Variants in FMN1 observed in about 807,000 individuals in gnomAD.
The protein encoded by FMN1 is formin-1.
A neutral mutation model predicts 132.4 loss-of-function variants in FMN1; 110 were observed. The ratio of observed to expected loss-of-function variants is 0.83; its 90% CI spans 0.71 to 0.97. The LOEUF (loss-of-function observed/expected upper bound fraction) is 0.97. FMN1 is among the 50% of genes least tolerant of loss of function. The pLI, the probability that FMN1 is intolerant of heterozygous loss-of-function variation, is 0.00. For missense variants in FMN1, 1,792 were observed against 1,705.3 expected (o/e 1.05, Z -0.90); for synonymous variants, 722 against 651.7 (o/e 1.11, Z -1.64).
chr15:33,066,508 T>C (rs777050674), intron 5 of FMN1: 3 of 1,520,674 alleles, frequency 2.0e-6, no homozygotes, highest in East Asian at 2.3e-5. Context: ...CAATTCTACA[T>C]ACACTTTTGG....
At position 32,898,904 on chromosome 15, in the gene FMN1, A is replaced by G. The variant is rs771594743; in HGVS notation, c.3655-11T>C. 7 of 1,556,736 alleles carry G rather than the reference A, an allele frequency of 4.5e-6. No individual in the cohort carries two copies. Among genetic ancestry groups the G allele is most frequent in the Middle Eastern group, 1.7e-4 (1 of 5,944 alleles). The stretch of plus-strand genomic sequence containing the variant: ...ATTAATCCCATTATCCTAGGTTTAA[A>G]AGAGAAATGTACATGAAAATCATTC... On this transcript the variant is annotated splice_polypyrimidine_tract_variant and intron_variant, in intron 14 of 20. Transcript: ENST00000616417.
intron 17 of FMN1, among the ~76,000 whole-genome samples, chr15:32,846,004 A>G (rs1286376779): frequency 6.6e-6 from 1 of 152,026 alleles, no homozygotes; most frequent in East Asian, 1.9e-4. Flanking sequence ...TTGCAAAATC[A>G]CATAGAAAGG....
chr15:33,124,934 C>T (rs992894930), intron 4 of FMN1, among the ~76,000 whole-genome samples: 13 of 151,868 alleles, frequency 8.6e-5, no homozygotes, highest in African/African-American at 3.1e-4. Context: ...TGTGCCACTC[C>T]CCTCCACTGA....
At chr15:33,113,944 C>T (rs577906386) in intron 4 of FMN1, among the ~76,000 whole-genome samples, 17 of 152,320 alleles carry the variant, frequency 1.1e-4, no homozygotes, top group African/African-American at 3.6e-4. Flanking sequence ...GAAACCAGAT[C>T]CTTAGCCACC....
At chr15:33,045,143 G>A (rs148768313) in intron 6 of FMN1, among the ~76,000 whole-genome samples, 12 of 152,330 alleles carry the variant, frequency 7.9e-5, no homozygotes, top group African/African-American at 2.4e-4. Flanking sequence ...GATGCCAGCC[G>A]TGGAAGCTGC....
At position 32,767,889 on chromosome 15, in the gene FMN1, A is replaced by T. The variant is rs2056100162; in HGVS notation, c.*6421T>A. On this transcript the variant is annotated 3_prime_UTR_variant, in exon 21 of 21. Coordinates refer to ENST00000616417, the MANE Select transcript of FMN1 (RefSeq NM_001277313.2). Reference sequence around the variant, plus strand: ...TTCAATGGAAATGGAAGCCTTCCAAATATTATGCAGAACACAATCTCAGTG... The same window carrying T: ...TTCAATGGAAATGGAAGCCTTCCAATTATTATGCAGAACACAATCTCAGTG... The T allele has an allele frequency of 6.6e-6, 1 of 152,216 alleles. No individual in the cohort carries two copies. 9.4% of individuals were successfully genotyped at this position (152,216 alleles called of 1,614,324 possible). A position where few individuals can be genotyped will look rare whatever the true frequency, so the allele number is the denominator to read the frequency against.
chr15:32,855,175 A>G (rs980077687), intron 17 of FMN1, among the ~76,000 whole-genome samples: 2 of 144,244 alleles, frequency 1.4e-5, no homozygotes, highest in Non-Finnish European at 3.1e-5. Context: ...AAAAAAAAAA[A>G]AAAAAAAGAA....
At chr15:32,899,710 G>A (rs139847386) in intron 14 of FMN1, 3 of 480,190 alleles carry the variant, frequency 6.2e-6, no homozygotes, top group South Asian at 2.6e-5. Flanking sequence ...TCACTGAGTA[G>A]CAGTTCAATA....
intron 3 of FMN1, among the ~76,000 whole-genome samples, chr15:33,179,955 G>A (rs1965639350): frequency 6.6e-6 from 1 of 152,308 alleles, no homozygotes; most frequent in Admixed American, 6.5e-5. Context: ...GAGCTGGGAG[G>A]CAGCTTTGAA....
chr15:32,863,128 C>A (rs1248292361), intron 16 of FMN1, among the ~76,000 whole-genome samples: 3 of 152,198 alleles, frequency 2.0e-5, no homozygotes, highest in African/African-American at 7.2e-5. Flanking sequence ...AGGAGTTTAT[C>A]ATACAGGAAT....
At chr15:32,992,599 A>T (rs1255410338) in intron 7 of FMN1, among the ~76,000 whole-genome samples, 1 of 152,210 alleles carries the variant, frequency 6.6e-6, no homozygotes, top group Non-Finnish European at 1.5e-5. Context: ...AAAATGTTCG[A>T]TAAGACATAT....
intron 16 of FMN1, among the ~76,000 whole-genome samples, chr15:32,876,613 C>A (rs2059642637): frequency 6.6e-6 from 1 of 151,970 alleles, no homozygotes; most frequent in South Asian, 2.1e-4. Flanking sequence ...AAAAATTATT[C>A]CAAAATAAAA....
At position 32,968,921 on chromosome 15, in the gene FMN1, G is replaced by C. The variant is rs752103036; in HGVS notation, c.2780C>G (p.Pro927Arg). 1.3e-5 allele frequency: 9 copies of C among 681,738 alleles called. No individual in the cohort carries two copies. Among genetic ancestry groups the C allele is most frequent in the Non-Finnish European group, 2.2e-5 (9 of 412,676 alleles). 42.2% of individuals were successfully genotyped at this position (681,738 alleles called of 1,614,324 possible). A position where few individuals can be genotyped will look rare whatever the true frequency, so the allele number is the denominator to read the frequency against. Residue 927 changes from proline to arginine, a missense_variant, in exon 8 of 21, where the codon CCA (proline) becomes CGA (arginine). Coordinates refer to ENST00000616417, the MANE Select transcript of FMN1 (RefSeq NM_001277313.2). ...GGCAGGGGAGTTAGGAAGTGGGGGT[G>C]GGGGTGGGGGTGGTGGAGGTCCAGC... is the stretch of plus-strand genomic sequence containing the variant. ...SSAGPPPPPP[P>R]PPLPNSPAPP...
intron 4 of FMN1, chr15:33,150,758 C>T: frequency 4.1e-6 from 4 of 985,832 alleles, no homozygotes; most frequent in Non-Finnish European, 4.8e-6. Context: ...ATCTTAATGA[C>T]ATCACTTCAA....
chr15:32,946,078 T>C (rs969843610), intron 9 of FMN1, among the ~76,000 whole-genome samples: 1 of 152,124 alleles, frequency 6.6e-6, no homozygotes, highest in Non-Finnish European at 1.5e-5. Context: ...CCACGAAATG[T>C]TGGTAAAAAG....
intron 14 of FMN1, 55 bp downstream of exon 14, chr15:32,899,924 G>A: frequency 2.6e-6 from 4 of 1,556,086 alleles, no homozygotes; most frequent in Non-Finnish European, 3.5e-6. Context: ...TAAAATTAAA[G>A]GTAAAGAAAG....
At chr15:32,877,117 A>G (rs780200631) in intron 16 of FMN1, among the ~76,000 whole-genome samples, 1 of 152,074 alleles carries the variant, frequency 6.6e-6, no homozygotes, top group Non-Finnish European at 1.5e-5. Context: ...GAAAACCAGT[A>G]TCTACTAAAA....
At chr15:32,849,542 T>C (rs755490421) in intron 17 of FMN1, among the ~76,000 whole-genome samples, 1 of 152,024 alleles carries the variant, frequency 6.6e-6, no homozygotes, top group African/African-American at 2.4e-5. Context: ...TGGATAGTCA[T>C]TAGAAACCGA....
Position 33,090,347 on chromosome 15 carries a change from G to C in FMN1, c.1868-1373C>G, listed in dbSNP as rs539375955. Reference sequence around the variant, plus strand: ...AAGTCAGCTCAGAAAGGAACTGCGAGATAGCATGCTTATATTAGAGTAGCA... The same window carrying C: ...AAGTCAGCTCAGAAAGGAACTGCGACATAGCATGCTTATATTAGAGTAGCA... On this transcript the variant is annotated intron_variant, in intron 4 of 20. Transcript: ENST00000616417. Among the ~76,000 whole-genome samples the C allele has an allele frequency of 1.1e-4, 17 of 152,300 alleles. No homozygotes were observed. The South Asian group carries it at 3.5e-3, about 32-fold the overall frequency.
Sources: allele counts gnomAD v4.1 joint callset (sites outside exome capture counted in the v4.1 genomes callset), GRCh38; gene constraint gnomAD v4.1.1; transcripts MANE v1.5; gene names NCBI Gene and HGNC (gene_info 2026-07-23, HGNC 2026-07-21).